CDH12: variants seen among roughly 807,000 people sequenced by gnomAD.
CDH12 encodes the protein cadherin 12.
CDH12 carries 41 observed loss-of-function variants against 74.1 expected under a neutral mutation model. That is an observed-to-expected ratio of 0.55 (90% CI 0.43 to 0.72). The LOEUF (loss-of-function observed/expected upper bound fraction) is 0.72, where lower values mean the gene tolerates loss of function less well. CDH12 is among the 30% of genes least tolerant of loss of function. The pLI is 0.00. For missense variants in CDH12, 945 were observed against 977.2 expected (o/e 0.97, Z 0.44); for synonymous variants, 399 against 355.0 (o/e 1.12, Z -1.39).
intron 2 of CDH12, among the ~76,000 whole-genome samples, chr5:22,442,844 C>T (rs1171902621): frequency 2.0e-5 from 3 of 152,106 alleles, no homozygotes; most frequent in Admixed American, 2.0e-4. Flanking sequence ...ACTTCTGGTT[C>T]GCAACTTGGG....
At chr5:22,081,464 C>A (rs1333372697) in intron 4 of CDH12, among the ~76,000 whole-genome samples, 1 of 152,152 alleles carries the variant, frequency 6.6e-6, no homozygotes, top group Admixed American at 6.6e-5. Flanking sequence ...CTATTCCAAG[C>A]ATATCAGTTC....
intron 1 of CDH12, among the ~76,000 whole-genome samples, chr5:22,685,278 C>T (rs1009800968): frequency 1.3e-5 from 2 of 152,046 alleles, no homozygotes; most frequent in East Asian, 3.9e-4. Flanking sequence ...CGCCCTGTCG[C>T]CCAGTCTGGA....
intron 3 of CDH12, among the ~76,000 whole-genome samples, chr5:22,387,159 A>C (rs539914203): frequency 4.3e-4 from 65 of 152,146 alleles, no homozygotes; most frequent in Admixed American, 7.2e-4. Flanking sequence ...TTCTTGCCAA[A>C]ATGTTTATAA....
intron 9 of CDH12, among the ~76,000 whole-genome samples, chr5:21,807,679 AT>A (rs1395278439): frequency 6.6e-6 from 1 of 152,106 alleles, no homozygotes; most frequent in Non-Finnish European, 1.5e-5. Flanking sequence ...ATTTTGAGGA[AT>A]TTGAAAAAAT....
chr5:22,076,905 T>G (rs760651776), intron 5 of CDH12, among the ~76,000 whole-genome samples: 1 of 152,096 alleles, frequency 6.6e-6, no homozygotes, highest in Non-Finnish European at 1.5e-5. Context: ...CACTTTGACA[T>G]TCTACTCAAC....
At chr5:21,848,720 T>G (rs1211510804) in intron 7 of CDH12, among the ~76,000 whole-genome samples, 1 of 151,972 alleles carries the variant, frequency 6.6e-6, no homozygotes, top group Non-Finnish European at 1.5e-5. Flanking sequence ...ACTTCTTAAC[T>G]GTATCATGTC....
Position 22,466,091 on chromosome 5 carries a change from G to A in CDH12, c.-428+39179C>T, listed in dbSNP as rs535897139. ...TATCTAAATTCACTCTAAGTAAGTGGCCATCTTACTTTTTCTCTAACCTGC... is the reference window on the plus strand; with the variant it reads ...TATCTAAATTCACTCTAAGTAAGTGACCATCTTACTTTTTCTCTAACCTGC... On this transcript the variant is annotated intron_variant, in intron 2 of 14. Coordinates refer to ENST00000382254, the MANE Select transcript of CDH12 (RefSeq NM_004061.5). 2.0e-5 allele frequency among the ~76,000 whole-genome samples: 3 copies of A among 152,186 alleles called. No homozygotes were observed. The South Asian group carries it at 6.2e-4, about 32-fold the overall frequency.
At chr5:22,799,849 T>C (rs1362489402) in intron 1 of CDH12, among the ~76,000 whole-genome samples, 1 of 152,180 alleles carries the variant, frequency 6.6e-6, no homozygotes, top group African/African-American at 2.4e-5. Flanking sequence ...TTAATAAGCA[T>C]AATTTTTGCT....
chr5:22,330,420 C>A (rs1003701969), intron 3 of CDH12, among the ~76,000 whole-genome samples: 2 of 151,944 alleles, frequency 1.3e-5, no homozygotes, highest in Admixed American at 1.3e-4. Flanking sequence ...CCAGAACATT[C>A]CCAGCTGTGG....
At chr5:22,526,329 G>C (rs1737279492) in intron 1 of CDH12, among the ~76,000 whole-genome samples, 1 of 152,168 alleles carries the variant, frequency 6.6e-6, no homozygotes, top group African/African-American at 2.4e-5. Context: ...TAATAGACCA[G>C]TTTGATATCT....
chr5:22,750,656 G>T (rs1745517879), intron 1 of CDH12, among the ~76,000 whole-genome samples: 1 of 152,088 alleles, frequency 6.6e-6, no homozygotes, highest in African/African-American at 2.4e-5. Context: ...ATGGAATAAT[G>T]GAAAACTACA....
At chr5:22,764,614 T>C (rs183314743) in intron 1 of CDH12, among the ~76,000 whole-genome samples, 303 of 152,124 alleles carry the variant, frequency 2.0e-3, no homozygotes, top group African/African-American at 7.0e-3. Context: ...ATCATCTCTA[T>C]AGTGAAAATG....
chr5:22,035,605 AATC>A (rs1739121598), intron 5 of CDH12, among the ~76,000 whole-genome samples: 2 of 151,996 alleles, frequency 1.3e-5, no homozygotes, highest in Non-Finnish European at 1.5e-5. Flanking sequence ...TTAGAATATC[AATC>A]ATCATCAGGT....
intron 1 of CDH12, among the ~76,000 whole-genome samples, chr5:22,760,574 G>T (rs1017040454): frequency 2.0e-5 from 3 of 151,048 alleles, no homozygotes; most frequent in South Asian, 4.2e-4. Flanking sequence ...AGCTACTTGG[G>T]AGGCTGAGGC....
chr5:21,766,075 G>T (rs1160020335), intron 11 of CDH12, among the ~76,000 whole-genome samples: 1 of 151,906 alleles, frequency 6.6e-6, no homozygotes, highest in Non-Finnish European at 1.5e-5. Flanking sequence ...AAATTCTTCT[G>T]CAAAGCCACC....
At chr5:22,407,813 CTTTCTTCGGTAAACCTTCAT>C (rs941411241) in intron 2 of CDH12, among the ~76,000 whole-genome samples, 1 of 152,070 alleles carries the variant, frequency 6.6e-6, no homozygotes, top group African/African-American at 2.4e-5. Flanking sequence ...ATTACCTGTC[CTTTCTTCGGTAAACCTTCAT>C]TTTCTCTGCC....
intron 9 of CDH12, among the ~76,000 whole-genome samples, chr5:21,805,892 T>C (rs925932720): frequency 6.6e-6 from 1 of 152,144 alleles, no homozygotes; most frequent in African/African-American, 2.4e-5. Flanking sequence ...TGGCATGGCT[T>C]GGAGCCCATT....
In CDH12 at chr5:21,767,173, T is replaced by C. The variant is rs1026323631; in HGVS notation, c.1394-2074A>G. On this transcript the variant is annotated intron_variant, in intron 11 of 14. Coordinates refer to ENST00000382254, the MANE Select transcript of CDH12 (RefSeq NM_004061.5). ...TCTATTTTTTATTTTACATAGTATA[T>C]AATGTATGAGTCCTGCAGCTACATG... Among the ~76,000 whole-genome samples, 3 of 151,984 alleles carry C rather than the reference T, an allele frequency of 2.0e-5. No homozygotes were observed. In the South Asian group the frequency reaches 6.2e-4, roughly 31 times the overall value.
intron 1 of CDH12, among the ~76,000 whole-genome samples, chr5:22,808,519 G>C (rs1748934988): frequency 6.6e-6 from 1 of 151,720 alleles, no homozygotes; most frequent in Non-Finnish European, 1.5e-5. Flanking sequence ...ACATTTTATG[G>C]AACTAGGAGT....
Sources: gnomAD v4.1 joint callset for allele counts (sites outside exome capture counted in the v4.1 genomes callset) on GRCh38, gnomAD v4.1.1 for gene constraint, MANE v1.5 for transcripts, NCBI Gene and HGNC (gene_info 2026-07-23, HGNC 2026-07-21) for gene names.